POT1: variants seen among roughly 807,000 people sequenced by gnomAD.
POT1 encodes the protein protection of telomeres protein 1.
In POT1, 47 loss-of-function variants were observed where a neutral mutation model predicts 78.5. That is an observed-to-expected ratio of 0.60 (90% CI 0.47 to 0.76). The LOEUF is 0.76. Ranked by LOEUF, POT1 falls within the 30% of genes least tolerant of loss-of-function variation. The pLI is 0.00. For missense variants in POT1, 646 were observed against 749.9 expected, an observed-to-expected ratio of 0.86 and a Z score of 1.62; for synonymous variants, 259 against 260.7, an observed-to-expected ratio of 0.99 and a Z score of 0.06.
chr7:124,890,041 C>G (rs6956499), intron 6 of POT1, among the ~76,000 whole-genome samples: 91,236 of 151,654 alleles, frequency 0.6, 27,559 homozygotes, highest in African/African-American at 0.65. Flanking sequence ...TGATGGACTG[C>G]GGCAAAGTAA....
intron 16 of POT1, chr7:124,829,037 T>G (rs1326534849): frequency 2.7e-6 from 2 of 739,024 alleles, no homozygotes; most frequent in Non-Finnish European, 2.5e-6. Context: ...TAGTAAGGCA[T>G]AGGGGAAAGT....
At chr7:124,826,957 G>A (rs1794645702) in intron 17 of POT1, among the ~76,000 whole-genome samples, 1 of 152,134 alleles carries the variant, frequency 6.6e-6, no homozygotes, top group Non-Finnish European at 1.5e-5. Context: ...CCGTATCTCT[G>A]CATTTTGGCC....
At chr7:124,895,813 G>T (rs1277980469) in intron 5 of POT1, among the ~76,000 whole-genome samples, 2 of 151,536 alleles carry the variant, frequency 1.3e-5, no homozygotes, top group African/African-American at 4.8e-5. Flanking sequence ...AATCCAGGAG[G>T]TTTGGATGGC....
chr7:124,901,383 A>G (rs921546146), intron 3 of POT1, among the ~76,000 whole-genome samples: 2 of 152,186 alleles, frequency 1.3e-5, no homozygotes, highest in Non-Finnish European at 2.9e-5. Context: ...ACCCAGGCAA[A>G]CAGGGTCTGG....
At chr7:124,835,436 C>G (rs372268151) in intron 14 of POT1, 22 bp from the exon 15 acceptor site, 3 of 1,606,156 alleles carry the variant, frequency 1.9e-6, no homozygotes, top group Non-Finnish European at 2.6e-6. Context: ...ATAAATAAAT[C>G]CTTCAAGTAG....
At chr7:124,835,493 G>A (rs1267852701) in intron 14 of POT1, 79 bp from the exon 15 acceptor site, 20 of 1,433,804 alleles carry the variant, frequency 1.4e-5, no homozygotes, top group South Asian at 5.3e-5. Context: ...TAACGTGTGA[G>A]GTATAATAAA....
At chr7:124,886,884 T>TA (rs1237708236) in intron 6 of POT1, among the ~76,000 whole-genome samples, 1 of 152,140 alleles carries the variant, frequency 6.6e-6, no homozygotes, top group African/African-American at 2.4e-5. Flanking sequence ...CATTTTAGTC[T>TA]ATATTATCAT....
At chr7:124,915,235 C>T (rs1475502757) in intron 3 of POT1, among the ~76,000 whole-genome samples, 1 of 152,124 alleles carries the variant, frequency 6.6e-6, no homozygotes, top group African/African-American at 2.4e-5. Flanking sequence ...CTACTTTTGT[C>T]CCTAAGTGTT....
chr7:124,841,157 G>A lies in POT1; in HGVS notation c.1185C>T (p.Gly395=), dbSNP rs538385307. ...CATCCTGAAAAATTATATCCAAATCGCCCTCATGTGGAACTTCTTGCCTAA... is the reference window on the plus strand; with the variant it reads ...CATCCTGAAAAATTATATCCAAATCACCCTCATGTGGAACTTCTTGCCTAA... ...CHLLQEVPHE[G]DLDIIFQDGA... is the part of the protein sequence containing the mutation. The change falls in exon 14 of 19, where the codon GGC becomes GGT. Residue 395 remains glycine (G), a synonymous_variant. Transcript: ENST00000357628. The A allele has an allele frequency of 8.1e-6, 13 of 1,611,678 alleles. No homozygotes were observed. In the East Asian group the frequency reaches 1.3e-4, roughly 17 times the overall value.
intron 14 of POT1, chr7:124,837,187 C>G: frequency 6.7e-6 from 2 of 297,492 alleles, no homozygotes; most frequent in South Asian, 3.0e-5. Flanking sequence ...CTTCTGTTTA[C>G]AAAGGGGATA....
chr7:124,922,295 G>A (rs569359656), intron 2 of POT1, among the ~76,000 whole-genome samples: 80 of 152,032 alleles, frequency 5.3e-4, no homozygotes, highest in Admixed American at 3.3e-3. Context: ...TGGATCTACA[G>A]GTAAAAATGA....
intron 17 of POT1, among the ~76,000 whole-genome samples, chr7:124,826,134 A>C (rs1177402017): frequency 6.6e-6 from 1 of 152,204 alleles, no homozygotes; most frequent in East Asian, 1.9e-4. Context: ...GACTATGATC[A>C]GCCATATGGG....
chr7:124,911,573 T>C (rs529605809), intron 3 of POT1, among the ~76,000 whole-genome samples: 124 of 152,304 alleles, frequency 8.1e-4, no homozygotes, highest in African/African-American at 3.0e-3. Context: ...ATTACTTCCC[T>C]AAATTCTAAA....
chr7:124,926,407 G>A (rs1797274923), intron 2 of POT1, among the ~76,000 whole-genome samples: 1 of 152,092 alleles, frequency 6.6e-6, no homozygotes, highest in African/African-American at 2.4e-5. Flanking sequence ...ACACCAATCA[G>A]AATGGGTATT....
chr7:124,822,997 T>C lies in POT1; in HGVS notation c.*965A>G, dbSNP rs370558081. 10 of 156,634 alleles carry C rather than the reference T, an allele frequency of 6.4e-5. No individual in the cohort carries two copies. The highest frequency in any genetic ancestry group is 3.4e-3 in the Middle Eastern group (1 of 296). 9.7% of individuals were successfully genotyped at this position (156,634 alleles called of 1,614,324 possible). On this transcript the variant is annotated 3_prime_UTR_variant, in exon 19 of 19. Transcript: ENST00000357628. ...CTTGAGTGGTTAACAGTACAGGCTC[T>C]GAATAGAGATTATGTGAATTAAGGC...
intron 6 of POT1, among the ~76,000 whole-genome samples, chr7:124,888,132 T>C (rs1166277513): frequency 6.6e-6 from 1 of 152,122 alleles, no homozygotes. Flanking sequence ...TTAATCCACA[T>C]TGAATTGATT....
intron 16 of POT1, among the ~76,000 whole-genome samples, chr7:124,828,012 G>A (rs527984330): frequency 9.9e-5 from 15 of 152,052 alleles, no homozygotes; most frequent in Admixed American, 7.2e-4. Context: ...CAGCCTGGGC[G>A]ACAGAGTAAG....
At chr7:124,845,914 G>A (rs867687239) in intron 12 of POT1, among the ~76,000 whole-genome samples, 6 of 151,992 alleles carry the variant, frequency 3.9e-5, no homozygotes, top group Non-Finnish European at 7.4e-5. Flanking sequence ...GCCATTTGAC[G>A]AGTTTCATCA....
intron 6 of POT1, among the ~76,000 whole-genome samples, chr7:124,871,490 GGAT>G (rs1444544703): frequency 6.6e-6 from 1 of 151,886 alleles, no homozygotes; most frequent in Non-Finnish European, 1.5e-5. Context: ...ATAAAAATCA[GGAT>G]GATACAGTAA....
Sources: allele counts gnomAD v4.1 joint callset (sites outside exome capture counted in the v4.1 genomes callset), GRCh38; gene constraint gnomAD v4.1.1; transcripts MANE v1.5; gene names NCBI Gene and HGNC (gene_info 2026-07-23, HGNC 2026-07-21).